Variants in PEAK1 observed in about 807,000 individuals in gnomAD.
The protein encoded by PEAK1 is pseudopodium enriched atypical kinase 1.
In PEAK1, 54 loss-of-function variants were observed where a neutral mutation model predicts 124.7. The ratio of observed to expected loss-of-function variants is 0.43; its 90% confidence interval spans 0.35 to 0.54. The LOEUF (loss-of-function observed/expected upper bound fraction) is 0.54. Ranked by LOEUF, PEAK1 falls within the 20% of genes least tolerant of loss-of-function variation. PEAK1 has a pLI of 0.01. For missense variants in PEAK1, 2,046 were observed against 2,134.5 expected, an observed-to-expected ratio of 0.96 and a Z score of 0.82; for synonymous variants, 719 against 760.0, an observed-to-expected ratio of 0.95 and a Z score of 0.89.
chr15:77,268,630 G>A (rs2061864474), intron 5 of PEAK1, among the ~76,000 whole-genome samples: 1 of 152,026 alleles, frequency 6.6e-6, no homozygotes, highest in Non-Finnish European at 1.5e-5. Context: ...GCCTTGCTAG[G>A]GATCTAGACA....
At chr15:77,142,101 CTT>C (rs1236521758) in intron 8 of PEAK1, among the ~76,000 whole-genome samples, 2 of 152,058 alleles carry the variant, frequency 1.3e-5, no homozygotes, top group South Asian at 2.1e-4. Flanking sequence ...TGATAAGAGA[CTT>C]ATATTCAGAA....
intron 6 of PEAK1, among the ~76,000 whole-genome samples, chr15:77,247,485 CTTTT>C (rs398028029): frequency 4.7e-5 from 4 of 84,310 alleles, no homozygotes; most frequent in African/African-American, 1.9e-4. Context: ...CTTTTCTTTT[CTTTT>C]TTTTTTTTTT....
At chr15:77,207,641 T>C (rs868411996) in intron 6 of PEAK1, among the ~76,000 whole-genome samples, 6 of 152,054 alleles carry the variant, frequency 3.9e-5, no homozygotes, top group Non-Finnish European at 5.9e-5. Context: ...AATGTTGAGA[T>C]AGTAAAAAGA....
intron 6 of PEAK1, among the ~76,000 whole-genome samples, chr15:77,233,289 G>C (rs999351195): frequency 5.3e-5 from 8 of 152,014 alleles, no homozygotes; most frequent in African/African-American, 1.9e-4. Flanking sequence ...GTTCCCATCA[G>C]TTCAACAAAA....
chr15:77,349,057 T>C (rs1452433394), intron 2 of PEAK1: 15 of 818,672 alleles, frequency 1.8e-5, no homozygotes, highest in Non-Finnish European at 2.2e-5. Context: ...TTTTTTTTTT[T>C]GAGGCGGAGT....
rs1030696056 is a variant in PEAK1 at position 77,274,420 on chromosome 15, G to GA, written c.-275+9462dup. Among the ~76,000 whole-genome samples the GA allele has an allele frequency of 4.9e-3, 716 of 147,044 alleles. 4 individuals carry two copies. The highest frequency in any genetic ancestry group is 0.017 in the African/African-American group (665 of 40,290). On this transcript the variant is annotated intron_variant, in intron 5 of 9. Transcript: ENST00000682557. ...AATCTACAAGGAACCAAATTAGCAAGAAAAAAAAAATCCCATCAAGTGGGC... is the reference window on the plus strand; with the variant it reads ...AATCTACAAGGAACCAAATTAGCAAGAAAAAAAAAAATCCCATCAAGTGGGC...
Position 77,284,050 on chromosome 15 carries a change from T to C in PEAK1, c.-422-20A>G. On this transcript the variant is annotated intron_variant, in intron 4 of 9. Transcript: ENST00000682557. ...GTCTCACTAAAGCAAGAAAACATGATAAACTTGGTTGAGAGTCACAGAGTC... is the reference window on the plus strand; with the variant it reads ...GTCTCACTAAAGCAAGAAAACATGACAAACTTGGTTGAGAGTCACAGAGTC... 1.0e-6 allele frequency: 1 copy of C among 985,064 alleles called. No individual in the cohort carries two copies. The highest frequency in any genetic ancestry group is 5.2e-4 in the Middle Eastern group (1 of 1,914). The allele number at this position is 985,064 out of a possible 1,614,324, so 61.0% of individuals were successfully genotyped here.
At chr15:77,222,411 A>C (rs1596691824) in intron 6 of PEAK1, among the ~76,000 whole-genome samples, 1 of 152,140 alleles carries the variant, frequency 6.6e-6, no homozygotes, top group Non-Finnish European at 1.5e-5. Context: ...TATACTATCC[A>C]AGTGTTTCAT....
At chr15:77,223,242 A>C (rs1182943763) in intron 6 of PEAK1, among the ~76,000 whole-genome samples, 5 of 152,046 alleles carry the variant, frequency 3.3e-5, no homozygotes, top group Non-Finnish European at 7.4e-5. Flanking sequence ...CTTTTGAAGC[A>C]AACTTGGAAG....
chr15:77,147,428 A>G (rs761535949), intron 8 of PEAK1, among the ~76,000 whole-genome samples: 7 of 152,226 alleles, frequency 4.6e-5, no homozygotes, highest in Non-Finnish European at 8.8e-5. Context: ...AATGTAGAAG[A>G]TATGAGTACT....
At chr15:77,201,381 G>A (rs1391486632) in intron 6 of PEAK1, among the ~76,000 whole-genome samples, 1 of 151,708 alleles carries the variant, frequency 6.6e-6, no homozygotes, top group East Asian at 1.9e-4. Flanking sequence ...GGGACTACAG[G>A]CACCCGCCAC....
At chr15:77,262,974 G>A (rs1455368031) in intron 5 of PEAK1, among the ~76,000 whole-genome samples, 2 of 152,142 alleles carry the variant, frequency 1.3e-5, no homozygotes, top group African/African-American at 2.4e-5. Flanking sequence ...CAGCTACATG[G>A]AAACTGAACA....
intron 1 of PEAK1, among the ~76,000 whole-genome samples, chr15:77,381,825 G>A (rs1024242333): frequency 3.3e-5 from 5 of 152,116 alleles, no homozygotes; most frequent in Admixed American, 6.5e-5. Flanking sequence ...AAGCCACCTT[G>A]ATAAAAAGGG....
chr15:77,302,755 A>G (rs1335697443), intron 2 of PEAK1, among the ~76,000 whole-genome samples: 1 of 152,172 alleles, frequency 6.6e-6, no homozygotes, highest in East Asian at 1.9e-4. Context: ...TCCATCCTGG[A>G]AACTCTGACC....
intron 1 of PEAK1, among the ~76,000 whole-genome samples, chr15:77,387,586 C>T (rs931344793): frequency 2.6e-5 from 4 of 152,142 alleles, no homozygotes; most frequent in Admixed American, 1.3e-4. Context: ...AGGGAAGTAG[C>T]TCTCCAGTGA....
At chr15:77,366,739 G>C (rs1194626638) in intron 1 of PEAK1, among the ~76,000 whole-genome samples, 2 of 151,896 alleles carry the variant, frequency 1.3e-5, no homozygotes, top group African/African-American at 4.8e-5. Flanking sequence ...TGTATTTTTT[G>C]TAGAGATGGG....
intron 6 of PEAK1, among the ~76,000 whole-genome samples, chr15:77,226,085 A>G (rs946001455): frequency 7.3e-6 from 1 of 137,356 alleles, no homozygotes; most frequent in Non-Finnish European, 1.6e-5. Context: ...ATATATATAT[A>G]TATTACACAC....
At chr15:77,365,821 C>A (rs1040057353) in intron 1 of PEAK1, among the ~76,000 whole-genome samples, 2 of 149,788 alleles carry the variant, frequency 1.3e-5, no homozygotes, top group Non-Finnish European at 3.0e-5. Flanking sequence ...TTCATCAACT[C>A]AATTCTTCAA....
chr15:77,271,217 T>C (rs1567194999), intron 5 of PEAK1, among the ~76,000 whole-genome samples: 2 of 152,050 alleles, frequency 1.3e-5, no homozygotes, highest in African/African-American at 2.4e-5. Context: ...AACGCAAAAC[T>C]AAACCGCAAT....
Sources: gnomAD v4.1 joint callset for allele counts (sites outside exome capture counted in the v4.1 genomes callset) on GRCh38, gnomAD v4.1.1 for gene constraint, MANE v1.5 for transcripts, NCBI Gene and HGNC (gene_info 2026-07-23, HGNC 2026-07-21) for gene names.